Variants in CCNH observed in about 807,000 individuals in gnomAD.
CCNH encodes cyclin-H.
A neutral mutation model predicts 41.9 loss-of-function variants in CCNH; 31 were observed. That is an observed-to-expected ratio of 0.74 (90% CI 0.56 to 1.00). The LOEUF (loss-of-function observed/expected upper bound fraction) is 1.00. CCNH is among the 50% of genes least tolerant of loss of function. CCNH has a pLI of 0.00. For missense variants in CCNH, 362 were observed against 388.4 expected (o/e 0.93, Z 0.57); for synonymous variants, 138 against 136.1 (o/e 1.01, Z -0.10).
chr5:87,315,392 A>G (rs976429434), downstream of CCNH, among the ~76,000 whole-genome samples: 27 of 152,112 alleles, frequency 1.8e-4, no homozygotes, highest in African/African-American at 5.8e-4. Flanking sequence ...AAAACCACCA[A>G]TCCCATCATG....
At chr5:87,346,739 A>T in intron 9 of CCNH, 1 of 1,521,206 alleles carries the variant, frequency 6.6e-7, no homozygotes. Flanking sequence ...TTACATATTT[A>T]CTTGCTTTTC....
At chr5:87,323,626 C>T (rs1323539752) in intron 9 of CCNH, among the ~76,000 whole-genome samples, 1 of 151,924 alleles carries the variant, frequency 6.6e-6, no homozygotes, top group Non-Finnish European at 1.5e-5. Context: ...ATATTCTTTC[C>T]ATTTTATTTG....
intron 9 of CCNH, among the ~76,000 whole-genome samples, chr5:87,341,122 A>C (rs1253398361): frequency 6.6e-6 from 1 of 152,122 alleles, no homozygotes; most frequent in Non-Finnish European, 1.5e-5. Flanking sequence ...ACAAGAAAAG[A>C]TTAAGAGAGG....
intron 2 of CCNH, among the ~76,000 whole-genome samples, chr5:87,410,565 T>C (rs1029425412): frequency 1.3e-5 from 2 of 152,200 alleles, no homozygotes; most frequent in African/African-American, 2.4e-5. Flanking sequence ...TTACTTAAGA[T>C]ATACTTTTAT....
downstream of CCNH, among the ~76,000 whole-genome samples, chr5:87,371,769 T>G (rs144902885): frequency 2.4e-3 from 368 of 152,274 alleles, 1 homozygote; most frequent in African/African-American, 8.2e-3. Flanking sequence ...GTATAACAGC[T>G]TAATTATACA....
chr5:87,326,332 G>T (rs1317446620), intron 9 of CCNH, among the ~76,000 whole-genome samples: 1 of 152,010 alleles, frequency 6.6e-6, no homozygotes, highest in East Asian at 1.9e-4. Context: ...TGATTTCTGT[G>T]ACTTTTTTTA....
chr5:87,331,415 A>C lies in CCNH; in HGVS notation c.*91-12518T>G. 3.7e-6 allele frequency: 6 copies of C among 1,613,792 alleles called. No homozygotes were observed. The highest frequency in any genetic ancestry group is 5.1e-6 in the Non-Finnish European group (6 of 1,179,692). ...CCTCAGGCAGGCAGGGAAGTCTGGC[A>C]GTTATCTTATAAGAGAGAGTGATCG... is the stretch of plus-strand genomic sequence containing the variant. On this transcript the variant is annotated intron_variant and NMD_transcript_variant, in intron 9 of 9. Transcript: ENST00000645953.
chr5:87,346,665 T>C (rs1758886139), intron 9 of CCNH: 1 of 1,530,264 alleles, frequency 6.5e-7, no homozygotes, highest in Non-Finnish European at 9.0e-7. Flanking sequence ...TTTATTCTCT[T>C]TTTAAGATGG....
chr5:87,400,263 C>G (rs144003353), intron 6 of CCNH, among the ~76,000 whole-genome samples: 3 of 152,184 alleles, frequency 2.0e-5, no homozygotes, highest in African/African-American at 7.2e-5. Context: ...TGAATTAATA[C>G]TTGTAACTCA....
intron 7 of CCNH, among the ~76,000 whole-genome samples, chr5:87,396,797 G>C (rs1261400269): frequency 6.6e-6 from 1 of 152,092 alleles, no homozygotes; most frequent in East Asian, 1.9e-4. Flanking sequence ...GCTAAGCATT[G>C]ATAATCACCC....
rs988859224 is a variant in CCNH at position 87,350,719 on chromosome 5, TA to T, written c.*91-31823del. Among the ~76,000 whole-genome samples, 319 of 145,794 alleles carry T rather than the reference TA, an allele frequency of 2.2e-3. 1 individual carries two copies. The highest frequency in any genetic ancestry group is 6.4e-3 in the African/African-American group (256 of 40,166). ...AATATTATGTTTTCAAAATGAGGAT[TA>T]AAAAAAAAAAGTTAAATGTATGTTA... On this transcript the variant is annotated intron_variant and NMD_transcript_variant, in intron 9 of 9. Transcript: ENST00000645953.
In CCNH at chr5:87,362,767, T is replaced by C. The variant is rs1760212038; in HGVS notation, c.*90+30003A>G. 3 of 1,415,170 alleles carry C rather than the reference T, an allele frequency of 2.1e-6. No homozygotes were observed. In the South Asian group the frequency reaches 3.6e-5, roughly 17 times the overall value. The allele number at this position is 1,415,170 out of a possible 1,614,324, so 87.7% of individuals were successfully genotyped here. ...GATATATATTTAATAAGTTTTGACA[T>C]GAGTTATTAGTAATTGACACTTGTT... is the stretch of plus-strand genomic sequence containing the variant. On this transcript the variant is annotated intron_variant and NMD_transcript_variant, in intron 9 of 9. Transcript: ENST00000645953.
downstream of CCNH, among the ~76,000 whole-genome samples, chr5:87,375,536 C>T (rs1281891096): frequency 6.6e-6 from 1 of 152,178 alleles, no homozygotes; most frequent in African/African-American, 2.4e-5. Flanking sequence ...GCTGGGATTA[C>T]ATTACCATAT....
rs1479334430 is a variant in CCNH, at chr5:87,412,848, A to T, written c.-54T>A. On this transcript the variant is annotated 5_prime_UTR_variant, in exon 1 of 9. Coordinates refer to ENST00000256897, the MANE Select transcript of CCNH (RefSeq NM_001239.4). Reference sequence around the variant, plus strand: ...CTGCAGACGAGAACCCAAACGCATCAGCGTCCTGGCGTAAAACACCCGTAC... The same window carrying T: ...CTGCAGACGAGAACCCAAACGCATCTGCGTCCTGGCGTAAAACACCCGTAC... 1 of 1,591,216 alleles carries T rather than the reference A, an allele frequency of 6.3e-7. No individual in the cohort carries two copies. Among genetic ancestry groups the T allele is most frequent in the East Asian group, 2.3e-5 (1 of 44,266 alleles).
At chr5:87,392,963 G>A, downstream of CCNH, 1 of 152,092 alleles carries the variant, frequency 6.6e-6, no homozygotes, top group Non-Finnish European at 1.5e-5. Flanking sequence ...GAGCCTAGCA[G>A]CAATATATTT....
At chr5:87,320,165 G>C (rs922124771) in intron 9 of CCNH, among the ~76,000 whole-genome samples, 3 of 152,156 alleles carry the variant, frequency 2.0e-5, no homozygotes, top group Non-Finnish European at 4.4e-5. Flanking sequence ...GATTTTCACT[G>C]TCCATATCAC....
At chr5:87,378,940 A>G (rs1761515210), upstream of CCNH, among the ~76,000 whole-genome samples, 1 of 152,184 alleles carries the variant, frequency 6.6e-6, no homozygotes, top group Non-Finnish European at 1.5e-5. Context: ...GAATTATGAG[A>G]TAACCTCAAC....
chr5:87,392,533 G>A (rs548495395), downstream of CCNH: 1 of 353,206 alleles, frequency 2.8e-6, no homozygotes, highest in Non-Finnish European at 5.6e-6. Flanking sequence ...AGTATCCCAG[G>A]TGGTCTCCTT....
At chr5:87,338,667 C>T (rs1192628490) in intron 9 of CCNH, among the ~76,000 whole-genome samples, 2 of 150,326 alleles carry the variant, frequency 1.3e-5, no homozygotes, top group Non-Finnish European at 3.0e-5. Flanking sequence ...CCACAGTGCC[C>T]GGCCTATTTG....
Sources: allele counts gnomAD v4.1 joint callset (sites outside exome capture counted in the v4.1 genomes callset), GRCh38; gene constraint gnomAD v4.1.1; transcripts MANE v1.5; gene names NCBI Gene and HGNC (gene_info 2026-07-23, HGNC 2026-07-21).